LSAMP: variants seen among roughly 807,000 people sequenced by gnomAD.
LSAMP encodes the protein limbic system associated membrane protein, also known as limbic system-associated membrane protein.
LSAMP carries 7 observed loss-of-function variants against 38.6 expected under a neutral mutation model. The observed-to-expected ratio is 0.18, with a 90% CI of 0.10 to 0.34. LSAMP has a LOEUF of 0.34. Among genes scored for constraint, LSAMP ranks in the 10% least tolerant of loss-of-function variants. LSAMP has a pLI of 1.00. For missense variants in LSAMP, 313 were observed against 420.0 expected (o/e 0.75, Z 2.23); for synonymous variants, 154 against 166.8 (o/e 0.92, Z 0.59).
At chr3:116,062,044 T>C (rs1250962991) in intron 2 of LSAMP, among the ~76,000 whole-genome samples, 1 of 152,202 alleles carries the variant, frequency 6.6e-6, no homozygotes, top group Non-Finnish European at 1.5e-5. Flanking sequence ...TTCCAATCTA[T>C]CTGTGGTGTT....
rs548028245 is a variant in LSAMP, at chr3:115,933,505, C to G, written c.515-80888G>C. Among the ~76,000 whole-genome samples the G allele has an allele frequency of 1.1e-3, 166 of 152,248 alleles. 1 individual carries two copies. The highest frequency in any genetic ancestry group is 3.8e-3 in the African/African-American group (158 of 41,540). ...TAACATTAAGAGAAACTAGTTGTCA[C>G]AAAATTAGAAGTTCTATTGGCCATG... On this transcript the variant is annotated intron_variant, in intron 3 of 6. Transcript: ENST00000490035.
intron 1 of LSAMP, among the ~76,000 whole-genome samples, chr3:116,353,970 C>G (rs895510156): frequency 2.0e-5 from 3 of 152,070 alleles, no homozygotes; most frequent in Non-Finnish European, 2.9e-5. Context: ...AAATTTTATT[C>G]TGAACTTGAC....
chr3:116,055,302 T>C (rs751775005), intron 2 of LSAMP, among the ~76,000 whole-genome samples: 48 of 152,214 alleles, frequency 3.2e-4, no homozygotes, highest in Non-Finnish European at 6.0e-4. Context: ...GATACCGTGA[T>C]AGTAACATGC....
chr3:116,263,677 T>TGGAGTA (rs2046858748), intron 1 of LSAMP, among the ~76,000 whole-genome samples: 1 of 152,092 alleles, frequency 6.6e-6, no homozygotes, highest in Non-Finnish European at 1.5e-5. Context: ...TGCATTTTAT[T>TGGAGTA]AAATTTTATG....
intron 2 of LSAMP, among the ~76,000 whole-genome samples, chr3:116,043,762 G>A (rs1278116298): frequency 6.6e-6 from 1 of 152,158 alleles, no homozygotes; most frequent in Admixed American, 6.5e-5. Context: ...TGGCTAACAC[G>A]GTGAAACCCC....
At chr3:115,874,408 C>T (rs1263992183) in intron 3 of LSAMP, among the ~76,000 whole-genome samples, 1 of 151,974 alleles carries the variant, frequency 6.6e-6, no homozygotes, top group East Asian at 1.9e-4. Context: ...TGTCTCTATT[C>T]TCTCAAAAAA....
intron 3 of LSAMP, among the ~76,000 whole-genome samples, chr3:115,943,726 GATTTA>G (rs1559890838): frequency 1.3e-5 from 2 of 152,186 alleles, no homozygotes; most frequent in African/African-American, 4.8e-5. Context: ...TACACGTGGA[GATTTA>G]GAACTTCCTG....
chr3:116,155,019 T>G (rs75432405), intron 1 of LSAMP, among the ~76,000 whole-genome samples: 8 of 30,814 alleles, frequency 2.6e-4, no homozygotes, highest in Middle Eastern at 0.014. Context: ...AATGTTTTGG[T>G]TTTTTTTGTT....
At chr3:115,909,688 T>C (rs549243048) in intron 3 of LSAMP, among the ~76,000 whole-genome samples, 29 of 152,202 alleles carry the variant, frequency 1.9e-4, no homozygotes, top group Non-Finnish European at 3.4e-4. Context: ...TCTTCTTCTA[T>C]TGGAGTTTTG....
At position 116,092,937 on chromosome 3, in the gene LSAMP, C is replaced by T. The variant is rs567161070; in HGVS notation, c.156-6381G>A. Reference sequence around the variant, plus strand: ...TAATGGCTGTTAAAAAACATACCAACTTAGGATTCAAATTTGTCCAGACTT... The same window carrying T: ...TAATGGCTGTTAAAAAACATACCAATTTAGGATTCAAATTTGTCCAGACTT... On this transcript the variant is annotated intron_variant, in intron 1 of 6. Transcript: ENST00000490035. Among the ~76,000 whole-genome samples the T allele has an allele frequency of 3.9e-5, 6 of 152,310 alleles. No homozygotes were observed. In the South Asian group the frequency reaches 1.2e-3, roughly 32 times the overall value.
intron 1 of LSAMP, among the ~76,000 whole-genome samples, chr3:116,248,351 G>T (rs745735286): frequency 2.0e-5 from 3 of 151,988 alleles, no homozygotes; most frequent in Non-Finnish European, 2.9e-5. Flanking sequence ...AGAACTTTGG[G>T]GCAAACTGGA....
intron 1 of LSAMP, among the ~76,000 whole-genome samples, chr3:116,428,560 C>T (rs2049235651): frequency 6.6e-6 from 1 of 151,978 alleles, no homozygotes; most frequent in Non-Finnish European, 1.5e-5. Context: ...TACACAGACT[C>T]AAAAAAGAGT....
rs111680938 is a variant in LSAMP, at chr3:116,209,733, A to C, written c.156-123177T>G. Among the ~76,000 whole-genome samples the C allele has an allele frequency of 3.9e-3, 583 of 150,482 alleles. 8 individuals are homozygous for C. The highest frequency in any genetic ancestry group is 3.7e-3 in the Non-Finnish European group (249 of 67,868). On this transcript the variant is annotated intron_variant, in intron 1 of 6. Transcript: ENST00000490035. ...TCTGATTGAACAAATACATTTTGGG[A>C]TTTATTTATTATTTATTTATTTATT...
At chr3:115,988,720 T>C (rs1293722977) in intron 3 of LSAMP, among the ~76,000 whole-genome samples, 6 of 152,144 alleles carry the variant, frequency 3.9e-5, no homozygotes, top group African/African-American at 7.2e-5. Flanking sequence ...TCTTTTTTGA[T>C]TTCCTTCATT....
At position 115,810,228 on chromosome 3, in the gene LSAMP, T is replaced by C. The variant is rs879291361; in HGVS notation, c.*89A>G. ...AAATAAACGGTCTCCCCCATCTCTC[T>C]CTCTCTCTCTCTCTCTGTCTCTCTC... On this transcript the variant is annotated 3_prime_UTR_variant, in exon 7 of 7. Transcript: ENST00000490035. 164 of 894,654 alleles carry C rather than the reference T, an allele frequency of 1.8e-4. No individual in the cohort carries two copies. Among genetic ancestry groups the C allele is most frequent in the Admixed American group, 5.0e-4 (19 of 37,630 alleles). 55.4% of individuals were successfully genotyped at this position (894,654 alleles called of 1,614,324 possible). A position where few individuals can be genotyped will look rare whatever the true frequency, so the allele number is the denominator to read the frequency against.
At chr3:116,096,369 G>A (rs1215850531) in intron 1 of LSAMP, among the ~76,000 whole-genome samples, 1 of 152,166 alleles carries the variant, frequency 6.6e-6, no homozygotes, top group Non-Finnish European at 1.5e-5. Context: ...AGATATTGTG[G>A]CTCAATCCAA....
At chr3:116,425,049 T>C (rs1311690820) in intron 1 of LSAMP, among the ~76,000 whole-genome samples, 3 of 151,388 alleles carry the variant, frequency 2.0e-5, no homozygotes, top group Non-Finnish European at 2.9e-5. Flanking sequence ...ATAAATTGTC[T>C]ACCGTGCAGG....
chr3:115,817,733 A>T (rs1411036579), intron 6 of LSAMP, among the ~76,000 whole-genome samples: 1 of 152,200 alleles, frequency 6.6e-6, no homozygotes, highest in East Asian at 1.9e-4. Context: ...AACATGCTGC[A>T]AGTTCATACA....
chr3:115,864,383 T>A (rs1188681292), intron 3 of LSAMP, among the ~76,000 whole-genome samples: 1 of 152,216 alleles, frequency 6.6e-6, no homozygotes, highest in Non-Finnish European at 1.5e-5. Flanking sequence ...TCACTTTTCC[T>A]ACAGGGCTGG....
Sources: allele counts gnomAD v4.1 joint callset (sites outside exome capture counted in the v4.1 genomes callset), GRCh38; gene constraint gnomAD v4.1.1; transcripts MANE v1.5; gene names NCBI Gene and HGNC (gene_info 2026-07-23, HGNC 2026-07-21).